The following WDFY4 variants were observed in gnomAD, a reference collection of about 807,000 sequenced individuals.
The protein encoded by WDFY4 is WDFY family member 4, also known as WD repeat- and FYVE domain-containing protein 4.
In WDFY4, 169 loss-of-function variants were observed where a neutral mutation model predicts 351.9. That is an observed-to-expected ratio of 0.48 (90% CI 0.42 to 0.55). The LOEUF is 0.55. Among genes scored for constraint, WDFY4 ranks in the 20% least tolerant of loss-of-function variants. The probability of loss-of-function intolerance (pLI) is 0.00; values close to 1 mark genes in which losing one functional copy is unlikely to be tolerated. For synonymous variants in WDFY4, 1,622 were observed against 1,574.6 expected (o/e 1.03, Z -0.71); for missense variants, 3,803 against 3,935.6 (o/e 0.97, Z 0.90).
intron 38 of WDFY4, among the ~76,000 whole-genome samples, chr10:48,832,216 A>G (rs1281406729): frequency 6.6e-6 from 1 of 152,206 alleles, no homozygotes; most frequent in Admixed American, 6.5e-5. Flanking sequence ...CTTTAAACAC[A>G]TCTTATGTAA....
intron 23 of WDFY4, among the ~76,000 whole-genome samples, chr10:48,794,338 C>G (rs540306586): frequency 3.2e-4 from 48 of 152,142 alleles, no homozygotes; most frequent in Non-Finnish European, 6.2e-4. Context: ...GCAGGTGGCG[C>G]TGGAAAGGAG....
chr10:48,890,368 A>G (rs901342401), intron 43 of WDFY4, among the ~76,000 whole-genome samples: 2 of 152,158 alleles, frequency 1.3e-5, no homozygotes, highest in Non-Finnish European at 2.9e-5. Flanking sequence ...AGGCTTGAGT[A>G]GATCAGACAC....
At chr10:48,698,879 G>C (rs1589408581) in intron 1 of WDFY4, among the ~76,000 whole-genome samples, 1 of 152,234 alleles carries the variant, frequency 6.6e-6, no homozygotes, top group Admixed American at 6.5e-5. Context: ...TCACAGAATT[G>C]TGGCGGCTGG....
intron 47 of WDFY4, among the ~76,000 whole-genome samples, chr10:48,918,871 T>C (rs1370341535): frequency 6.6e-6 from 1 of 152,204 alleles, no homozygotes; most frequent in African/African-American, 2.4e-5. Context: ...GTTGTAACAA[T>C]CAATAATGTC....
chr10:48,955,549 C>T (rs576252140), intron 51 of WDFY4, among the ~76,000 whole-genome samples: 79 of 152,350 alleles, frequency 5.2e-4, no homozygotes, highest in African/African-American at 1.7e-3. Context: ...GGGCAAAGCA[C>T]GCCCTGTGGA....
intron 51 of WDFY4, among the ~76,000 whole-genome samples, chr10:48,956,396 AC>A (rs1185486218): frequency 2.6e-5 from 4 of 151,758 alleles, no homozygotes; most frequent in Non-Finnish European, 5.9e-5. Flanking sequence ...CGAAGCCAAG[AC>A]CCCTGGTCCC....
At chr10:48,896,296 C>T (rs1837073988) in intron 44 of WDFY4, among the ~76,000 whole-genome samples, 2 of 152,334 alleles carry the variant, frequency 1.3e-5, no homozygotes, top group African/African-American at 4.8e-5. Context: ...GTCATCCCCA[C>T]CAGTACCTTG....
intron 39 of WDFY4, among the ~76,000 whole-genome samples, chr10:48,843,274 G>A (rs2068669550): frequency 6.6e-6 from 1 of 152,106 alleles, no homozygotes; most frequent in Admixed American, 6.5e-5. Flanking sequence ...TTATTACAAA[G>A]CCAGGCTGTG....
intron 34 of WDFY4, among the ~76,000 whole-genome samples, chr10:48,821,712 A>G (rs2067830323): frequency 6.6e-6 from 1 of 152,212 alleles, no homozygotes; most frequent in Non-Finnish European, 1.5e-5. Flanking sequence ...AGGAATCCCT[A>G]GGAACATGAG....
At chr10:48,970,450 G>A (rs747642027) in intron 57 of WDFY4, among the ~76,000 whole-genome samples, 161 bp downstream of exon 57, 7 of 152,206 alleles carry the variant, frequency 4.6e-5, no homozygotes, top group Non-Finnish European at 8.8e-5. Context: ...AGGAATGAGC[G>A]AAGTGAGGTG....
At chr10:48,827,567 C>T (rs933830539) in intron 36 of WDFY4, among the ~76,000 whole-genome samples, 1 of 149,304 alleles carries the variant, frequency 6.7e-6, no homozygotes, top group Non-Finnish European at 1.5e-5. Flanking sequence ...TCTCCAGCAT[C>T]TCAGCATCCT....
At chr10:48,922,081 G>T (rs753687535) in intron 47 of WDFY4, among the ~76,000 whole-genome samples, 1 of 152,140 alleles carries the variant, frequency 6.6e-6, no homozygotes, top group African/African-American at 2.4e-5. Context: ...CCTTCAATGG[G>T]TGGATTCCTA....
intron 39 of WDFY4, among the ~76,000 whole-genome samples, chr10:48,863,405 A>G (rs2069414119): frequency 6.6e-6 from 1 of 152,110 alleles, no homozygotes; most frequent in Non-Finnish European, 1.5e-5. Context: ...TGGCTGTATC[A>G]TTGATCTCAT....
At chr10:48,779,717 T>C (rs910060159) in intron 18 of WDFY4, among the ~76,000 whole-genome samples, 1 of 152,170 alleles carries the variant, frequency 6.6e-6, no homozygotes, top group African/African-American at 2.4e-5. Flanking sequence ...GCTGTGAACA[T>C]GACATGAGTT....
chr10:48,790,582 C>T (rs2066644536), intron 22 of WDFY4, 145 bp from the exon 23 acceptor site: 2 of 881,608 alleles, frequency 2.3e-6, no homozygotes, highest in Admixed American at 2.7e-5. Context: ...GCTCTTCCCC[C>T]CAGCCTGTCC....
intron 19 of WDFY4, among the ~76,000 whole-genome samples, chr10:48,782,801 T>G (rs1362829527): frequency 6.6e-6 from 1 of 152,234 alleles, no homozygotes; most frequent in African/African-American, 2.4e-5. Flanking sequence ...TGGAGCATTT[T>G]AATAGTTTGA....
chr10:48,888,555 A>G lies in WDFY4; in HGVS notation c.7168-2024A>G, dbSNP rs374573305. On this transcript the variant is annotated intron_variant, in intron 43 of 61. Transcript: ENST00000325239. Reference sequence around the variant, plus strand: ...AGTCAGTGTCATCTTTTGGAAACAAACTCTCCCATGGCTTTCTGTTGCAAC... The same window carrying G: ...AGTCAGTGTCATCTTTTGGAAACAAGCTCTCCCATGGCTTTCTGTTGCAAC... 2.7e-3 allele frequency among the ~76,000 whole-genome samples: 415 copies of G among 151,748 alleles called. 4 individuals are homozygous for G. Among genetic ancestry groups the G allele is most frequent in the African/African-American group, 9.4e-3 (389 of 41,348 alleles).
intron 54 of WDFY4, among the ~76,000 whole-genome samples, chr10:48,964,590 G>A (rs192105644): frequency 6.6e-6 from 1 of 152,324 alleles, no homozygotes; most frequent in African/African-American, 2.4e-5. Context: ...ATCTGAATAG[G>A]TCTAAAGCTT....
At chr10:48,774,693 A>C (rs1265549579) in intron 14 of WDFY4, 21 bp downstream of exon 14, 1 of 1,551,300 alleles carries the variant, frequency 6.4e-7, no homozygotes, top group East Asian at 2.4e-5. Flanking sequence ...CTGCATATTC[A>C]GTGCCGCCAA....
Sources: gnomAD v4.1 joint callset for allele counts (sites outside exome capture counted in the v4.1 genomes callset) on GRCh38, gnomAD v4.1.1 for gene constraint, MANE v1.5 for transcripts, NCBI Gene and HGNC (gene_info 2026-07-23, HGNC 2026-07-21) for gene names.